Variants in ZBTB20 observed in about 807,000 individuals in gnomAD.
ZBTB20 encodes the protein zinc finger and BTB domain containing 20, also known as zinc finger and BTB domain-containing protein 20.
In ZBTB20, 9 loss-of-function variants were observed where a neutral mutation model predicts 56.9. The ratio of observed to expected loss-of-function variants is 0.16; its 90% CI spans 0.10 to 0.28. The LOEUF is 0.28. Among genes scored for constraint, ZBTB20 ranks in the 10% least tolerant of loss-of-function variants. The pLI, the probability that ZBTB20 is intolerant of heterozygous loss-of-function variation, is 1.00. For missense variants in ZBTB20, 655 were observed against 1,003.0 expected, an observed-to-expected ratio of 0.65 and a Z score of 4.69; for synonymous variants, 417 against 420.7, an observed-to-expected ratio of 0.99 and a Z score of 0.11.
chr3:114,866,816 G>A (rs2075783173), intron 4 of ZBTB20, among the ~76,000 whole-genome samples: 1 of 152,110 alleles, frequency 6.6e-6, no homozygotes, highest in Admixed American at 6.5e-5. Context: ...AGCTTTCCCA[G>A]GTCTCAAGCC....
At chr3:114,970,037 T>C (rs1332046576) in intron 3 of ZBTB20, among the ~76,000 whole-genome samples, 2 of 152,226 alleles carry the variant, frequency 1.3e-5, no homozygotes, top group Non-Finnish European at 2.9e-5. Flanking sequence ...CTTAGCCTGG[T>C]AAGTGTTTTT....
chr3:114,394,922 A>G (rs1438229876), intron 7 of ZBTB20, among the ~76,000 whole-genome samples: 4 of 152,202 alleles, frequency 2.6e-5, no homozygotes, highest in Non-Finnish European at 5.9e-5. Context: ...CTGGAAATTC[A>G]AAATGATAAT....
chr3:115,133,359 T>C (rs1254645740), intron 1 of ZBTB20, among the ~76,000 whole-genome samples: 6 of 152,232 alleles, frequency 3.9e-5, no homozygotes, highest in Non-Finnish European at 8.8e-5. Flanking sequence ...GTCATTCTTT[T>C]TCCTAAAGCT....
chr3:114,505,909 C>T (rs1367430071), intron 6 of ZBTB20, among the ~76,000 whole-genome samples: 1 of 152,100 alleles, frequency 6.6e-6, no homozygotes, highest in Non-Finnish European at 1.5e-5. Flanking sequence ...GATTTAATGA[C>T]ATTTCATGCA....
At chr3:114,653,724 A>G (rs2060248066) in intron 6 of ZBTB20, among the ~76,000 whole-genome samples, 1 of 151,896 alleles carries the variant, frequency 6.6e-6, no homozygotes, top group South Asian at 2.1e-4. Context: ...TGTTATATAG[A>G]ATTCTCCAGG....
At chr3:114,813,457 A>AT (rs1353635671) in intron 4 of ZBTB20, among the ~76,000 whole-genome samples, 2 of 152,212 alleles carry the variant, frequency 1.3e-5, no homozygotes, top group African/African-American at 4.8e-5. Flanking sequence ...TTAATTAACA[A>AT]TAAAAAAAAT....
intron 5 of ZBTB20, among the ~76,000 whole-genome samples, chr3:114,713,477 G>A (rs1208551594): frequency 2.6e-5 from 4 of 152,150 alleles, no homozygotes; most frequent in Non-Finnish European, 5.9e-5. Flanking sequence ...TAATTCTGCC[G>A]AGATATTTAT....
rs1470582555 is a variant in ZBTB20 at position 114,933,800 on chromosome 3, G to A, written c.-455-33458C>T. Among the ~76,000 whole-genome samples, 4 of 152,122 alleles carry A rather than the reference G, an allele frequency of 2.6e-5. No individual in the cohort carries two copies. In the East Asian group the frequency reaches 7.7e-4, roughly 29 times the overall value. ...TCCTTCCAAGTTTCCCTAATCATCT[G>A]TTTACTTTAGTATATTTTACATCTA... On this transcript the variant is annotated intron_variant, in intron 3 of 11. Coordinates refer to ENST00000675478, the MANE Select transcript of ZBTB20 (RefSeq NM_001348800.3).
intron 3 of ZBTB20, among the ~76,000 whole-genome samples, chr3:114,953,157 A>T: frequency 6.6e-6 from 1 of 152,190 alleles, no homozygotes; most frequent in East Asian, 1.9e-4. Flanking sequence ...GATTCTAAGA[A>T]GAGTATAAAA....
At chr3:114,853,625 C>G (rs2075112072) in intron 4 of ZBTB20, among the ~76,000 whole-genome samples, 1 of 152,230 alleles carries the variant, frequency 6.6e-6, no homozygotes, top group African/African-American at 2.4e-5. Context: ...GTGTCAACTA[C>G]AGCATTCACA....
At chr3:114,744,707 C>T (rs1009581825) in intron 5 of ZBTB20, among the ~76,000 whole-genome samples, 14 of 152,096 alleles carry the variant, frequency 9.2e-5, no homozygotes, top group African/African-American at 3.4e-4. Flanking sequence ...AGAGATCAGA[C>T]ATGAATAGAA....
chr3:115,113,563 TTATGCAAGTGCAGAAC>T (rs1285632351), intron 1 of ZBTB20, among the ~76,000 whole-genome samples: 1 of 152,186 alleles, frequency 6.6e-6, no homozygotes, highest in Non-Finnish European at 1.5e-5. Context: ...GCAACACTGG[TTATGCAAGTGCAGAAC>T]AATGCAAGTG....
intron 1 of ZBTB20, among the ~76,000 whole-genome samples, chr3:115,086,927 C>A (rs756850734): frequency 1.3e-5 from 2 of 151,710 alleles, no homozygotes; most frequent in Non-Finnish European, 2.9e-5. Context: ...TCAACAGATA[C>A]CACATTAAAA....
rs2078979574 is a variant in ZBTB20, at chr3:114,323,896, T to C, written c.*15109A>G. On this transcript the variant is annotated 3_prime_UTR_variant, in exon 12 of 12. Transcript: ENST00000675478. ...TTTTTCTTTCCCATACGTAACACAC[T>C]CTCTCCCAGCACAAGTAAGTACATT... The C allele has an allele frequency of 6.6e-6, 1 of 152,124 alleles. No homozygotes were observed. Among genetic ancestry groups the C allele is most frequent in the South Asian group, 2.1e-4 (1 of 4,822 alleles). The allele number at this position is 152,124 out of a possible 1,614,324, so 9.4% of individuals were successfully genotyped here.
chr3:114,473,706 C>A (rs1406051090), intron 7 of ZBTB20, among the ~76,000 whole-genome samples: 2 of 152,124 alleles, frequency 1.3e-5, no homozygotes, highest in African/African-American at 4.8e-5. Flanking sequence ...ATCACAGATT[C>A]CTGGGCCTTT....
chr3:114,524,600 T>C (rs921581614), intron 6 of ZBTB20, among the ~76,000 whole-genome samples: 2 of 152,212 alleles, frequency 1.3e-5, no homozygotes, highest in Admixed American at 6.5e-5. Context: ...ACTTTCCATC[T>C]TTCCAGCTTA....
chr3:114,344,289 T>G (rs1356935413), intron 11 of ZBTB20, among the ~76,000 whole-genome samples: 1 of 152,214 alleles, frequency 6.6e-6, no homozygotes, highest in African/African-American at 2.4e-5. Flanking sequence ...TTTCTTAAAA[T>G]TTTGTGAATA....
intron 5 of ZBTB20, among the ~76,000 whole-genome samples, chr3:114,715,523 C>T (rs535700695): frequency 6.6e-6 from 1 of 152,178 alleles, no homozygotes; most frequent in African/African-American, 2.4e-5. Flanking sequence ...ACATTTGCTA[C>T]AATAACACTG....
At position 114,327,689 on chromosome 3, in the gene ZBTB20, C is replaced by T. The variant is rs1169987014; in HGVS notation, c.*11316G>A. The T allele has an allele frequency of 6.6e-6, 1 of 152,098 alleles. No homozygotes were observed. The highest frequency in any genetic ancestry group is 6.6e-5 in the Admixed American group (1 of 15,266). 9.4% of individuals were successfully genotyped at this position (152,098 alleles called of 1,614,324 possible). ...TTAAGATAAAAGCTGGGTCAAATCT[C>T]AAGTCAAATAAAAATACATTTCTGA... On this transcript the variant is annotated 3_prime_UTR_variant, in exon 12 of 12. Transcript: ENST00000675478.
Sources: gnomAD v4.1 joint callset for allele counts (sites outside exome capture counted in the v4.1 genomes callset) on GRCh38, gnomAD v4.1.1 for gene constraint, MANE v1.5 for transcripts, NCBI Gene and HGNC (gene_info 2026-07-23, HGNC 2026-07-21) for gene names.